Variants in TENM3 observed in about 807,000 individuals in gnomAD.
TENM3 encodes teneurin transmembrane protein 3, also known as teneurin-3.
TENM3 carries 63 observed loss-of-function variants against 255.1 expected under a neutral mutation model. The ratio of observed to expected loss-of-function variants is 0.25; its 90% CI spans 0.20 to 0.30. The LOEUF (loss-of-function observed/expected upper bound fraction) is 0.30, where lower values mean the gene tolerates loss of function less well. TENM3 is among the 10% of genes least tolerant of loss of function. The pLI is 1.00. For synonymous variants in TENM3, 1,306 were observed against 1,322.3 expected (o/e 0.99, Z 0.27); for missense variants, 2,929 against 3,461.1 (o/e 0.85, Z 3.86).
intron 3 of TENM3, among the ~76,000 whole-genome samples, chr4:182,592,478 C>T (rs777276975): frequency 5.3e-5 from 8 of 152,208 alleles, no homozygotes; most frequent in Non-Finnish European, 1.2e-4. Context: ...AATCCTAGCG[C>T]TTTGGGAGGC....
chr4:182,419,854 A>T (rs1770679829), intron 3 of TENM3, among the ~76,000 whole-genome samples: 1 of 133,486 alleles, frequency 7.5e-6, no homozygotes, highest in African/African-American at 2.8e-5. Context: ...GGAACATCAC[A>T]CACCGGGGCC....
intron 1 of TENM3, among the ~76,000 whole-genome samples, chr4:182,233,157 C>T (rs1348192578): frequency 2.0e-5 from 3 of 152,256 alleles, no homozygotes; most frequent in East Asian, 3.9e-4. Flanking sequence ...TCCCACCTTC[C>T]GTGCTCAGCC....
chr4:181,970,566 A>C, the TENM3 span, among the ~76,000 whole-genome samples: 1 of 152,310 alleles, frequency 6.6e-6, no homozygotes, highest in East Asian at 1.9e-4. Flanking sequence ...TTCCACCATC[A>C]GTGATTCATA....
chr4:181,921,520 A>G, the TENM3 span, among the ~76,000 whole-genome samples: 2 of 152,200 alleles, frequency 1.3e-5, no homozygotes, highest in Non-Finnish European at 2.9e-5. Flanking sequence ...TTCCCTCATG[A>G]TTTGGCTCTC....
At chr4:182,640,141 ACT>A in intron 5 of TENM3, among the ~76,000 whole-genome samples, 1 of 152,296 alleles carries the variant, frequency 6.6e-6, no homozygotes, top group South Asian at 2.1e-4. Flanking sequence ...ATCAAGATAC[ACT>A]GATTTTTCCC....
At chr4:181,493,012 C>A in the TENM3 span, among the ~76,000 whole-genome samples, 2 of 150,920 alleles carry the variant, frequency 1.3e-5, no homozygotes, top group East Asian at 3.9e-4. Context: ...TGAACCAGAC[C>A]ATTGTGAGAA....
intron 3 of TENM3, among the ~76,000 whole-genome samples, chr4:182,512,362 T>G (rs1258647855): frequency 6.6e-6 from 1 of 152,172 alleles, no homozygotes; most frequent in Non-Finnish European, 1.5e-5. Flanking sequence ...AGCCCACGTC[T>G]GAGTTACCAC....
At chr4:181,843,118 A>C in the TENM3 span, among the ~76,000 whole-genome samples, 1 of 152,232 alleles carries the variant, frequency 6.6e-6, no homozygotes, top group Non-Finnish European at 1.5e-5. Context: ...TCTTGAAATT[A>C]GTAGCAGCTT....
chr4:181,526,748 TA>T, the TENM3 span, among the ~76,000 whole-genome samples: 12 of 152,124 alleles, frequency 7.9e-5, no homozygotes, highest in Non-Finnish European at 1.5e-5. Flanking sequence ...TTGAGACTAT[TA>T]GAGAGAGAGC....
intron 3 of TENM3, among the ~76,000 whole-genome samples, chr4:182,463,874 G>A (rs1042710187): frequency 2.6e-5 from 4 of 151,908 alleles, no homozygotes; most frequent in East Asian, 1.9e-4. Flanking sequence ...CACCCGCCTC[G>A]GCCTCCCAAG....
At chr4:182,388,915 G>A (rs1247377729) in intron 3 of TENM3, among the ~76,000 whole-genome samples, 1 of 152,198 alleles carries the variant, frequency 6.6e-6, no homozygotes, top group Non-Finnish European at 1.5e-5. Flanking sequence ...TGGAGGTGAT[G>A]TTCTAGGCAG....
chr4:182,319,667 G>C (rs1050887435), intron 1 of TENM3, among the ~76,000 whole-genome samples: 1 of 152,090 alleles, frequency 6.6e-6, no homozygotes, highest in Non-Finnish European at 1.5e-5. Context: ...CATTTAGTTG[G>C]TATTGATTTA....
At chr4:181,475,569 A>G in the TENM3 span, among the ~76,000 whole-genome samples, 1 of 152,184 alleles carries the variant, frequency 6.6e-6, no homozygotes, top group South Asian at 2.1e-4. Context: ...CTGCTGATTT[A>G]GCTGGGCTGA....
intron 2 of TENM3, among the ~76,000 whole-genome samples, chr4:182,338,541 GTTTC>G (rs1764282349): frequency 6.6e-6 from 1 of 152,078 alleles, no homozygotes; most frequent in Non-Finnish European, 1.5e-5. Context: ...GTTTTTAAAT[GTTTC>G]TTTATATTGT....
chr4:181,739,680 G>A, the TENM3 span, among the ~76,000 whole-genome samples: 2 of 152,160 alleles, frequency 1.3e-5, no homozygotes, highest in Non-Finnish European at 2.9e-5. Flanking sequence ...AGCTACCTCA[G>A]TATGGTCTAT....
intron 1 of TENM3, among the ~76,000 whole-genome samples, chr4:182,180,909 ATTTTG>A (rs1293143349): frequency 6.6e-5 from 10 of 151,936 alleles, no homozygotes; most frequent in Middle Eastern, 3.4e-3. Context: ...ATTAATTTTT[ATTTTG>A]TTTTATTTTA....
intron 27 of TENM3, among the ~76,000 whole-genome samples, chr4:182,798,083 G>T (rs1766629152): frequency 6.6e-6 from 1 of 152,068 alleles, no homozygotes; most frequent in African/African-American, 2.4e-5. Flanking sequence ...CCAGGCTGGA[G>T]TGCAGCCTTG....
chr4:181,883,163 A>G, the TENM3 span, among the ~76,000 whole-genome samples: 5 of 136,394 alleles, frequency 3.7e-5, no homozygotes, highest in African/African-American at 1.5e-4. Context: ...GGTTTAGTTC[A>G]TCTAACATTT....
the TENM3 span, among the ~76,000 whole-genome samples, chr4:181,727,165 T>C: frequency 6.6e-6 from 1 of 152,180 alleles, no homozygotes; most frequent in Admixed American, 6.5e-5. Context: ...TCAACCCCTC[T>C]ACCTTCCCCA....
Sources: gnomAD v4.1 joint callset for allele counts (sites outside exome capture counted in the v4.1 genomes callset) on GRCh38, gnomAD v4.1.1 for gene constraint, MANE v1.5 for transcripts, NCBI Gene and HGNC (gene_info 2026-07-23, HGNC 2026-07-21) for gene names.